The following ROPN1L variants were observed in gnomAD, a reference collection of about 807,000 sequenced individuals.
The protein encoded by ROPN1L is rhophilin associated tail protein 1 like.
In ROPN1L, 23 loss-of-function variants were observed where a neutral mutation model predicts 22.7. The ratio of observed to expected loss-of-function variants is 1.01; its 90% CI spans 0.73 to 1.43. The LOEUF is 1.43. Ranked by LOEUF, ROPN1L falls within the 40% of genes most tolerant of loss-of-function variation. ROPN1L has a pLI of 0.00. For missense variants in ROPN1L, 271 were observed against 291.5 expected (o/e 0.93, Z 0.51); for synonymous variants, 116 against 117.8 (o/e 0.98, Z 0.10).
At chr5:10,465,501 C>G (rs186274353), downstream of ROPN1L, among the ~76,000 whole-genome samples, 2 of 141,870 alleles carry the variant, frequency 1.4e-5, no homozygotes, top group African/African-American at 2.7e-5. Flanking sequence ...GGCGACAGAG[C>G]GAGACTCCGT....
intron 3 of ROPN1L, among the ~76,000 whole-genome samples, chr5:10,460,526 G>A (rs1377809170): frequency 9.2e-6 from 1 of 108,738 alleles, no homozygotes; most frequent in Non-Finnish European, 1.8e-5. Flanking sequence ...CCCGCTGAAA[G>A]CAGAGGGTGG....
chr5:10,471,170 C>T (rs1463927098), intron 4 of ROPN1L, among the ~76,000 whole-genome samples: 1 of 152,176 alleles, frequency 6.6e-6, no homozygotes, highest in Non-Finnish European at 1.5e-5. Flanking sequence ...TGAAGTCTCA[C>T]TCCATTGCCC....
chr5:10,457,417 C>T (rs1443572302), intron 3 of ROPN1L, among the ~76,000 whole-genome samples: 1 of 152,224 alleles, frequency 6.6e-6, no homozygotes, highest in Non-Finnish European at 1.5e-5. Context: ...TTCCCAGAGC[C>T]CGCCTGGCGG....
intron 4 of ROPN1L, among the ~76,000 whole-genome samples, chr5:10,461,858 A>G (rs1208345288): frequency 1.3e-5 from 2 of 152,396 alleles, no homozygotes; most frequent in East Asian, 3.9e-4. Flanking sequence ...GAAGACAGAC[A>G]AAGGGCAAGG....
In ROPN1L at chr5:10,454,576, C is replaced by A. The variant is rs541479409; in HGVS notation, c.417+4463C>A. On this transcript the variant is annotated intron_variant, in intron 3 of 4. Transcript: ENST00000274134. The stretch of plus-strand genomic sequence containing the variant: ...CAAGTCTTTCATCCCCATACTGACA[C>A]TGACAGAGTCAGTCTGTCATGATCA... 5.3e-5 allele frequency among the ~76,000 whole-genome samples: 8 copies of A among 152,142 alleles called. No individual in the cohort carries two copies. In the South Asian group the frequency reaches 1.7e-3, roughly 31 times the overall value.
At chr5:10,458,333 A>G (rs946134797) in intron 3 of ROPN1L, among the ~76,000 whole-genome samples, 3 of 151,734 alleles carry the variant, frequency 2.0e-5, no homozygotes, top group Non-Finnish European at 4.4e-5. Flanking sequence ...TCTTGGTGGT[A>G]TAGCGTGTCC....
At chr5:10,443,620 C>T (rs1235388215) in intron 1 of ROPN1L, among the ~76,000 whole-genome samples, 1 of 150,066 alleles carries the variant, frequency 6.7e-6, no homozygotes, top group Non-Finnish European at 1.5e-5. Context: ...CAGAGCGAGA[C>T]TCCGTCTCAA....
At chr5:10,450,493 T>G (rs1312087404) in intron 3 of ROPN1L, among the ~76,000 whole-genome samples, 1 of 151,890 alleles carries the variant, frequency 6.6e-6, no homozygotes, top group Admixed American at 6.6e-5. Context: ...TCTATTATTA[T>G]TATTTATTTA....
intron 4 of ROPN1L, among the ~76,000 whole-genome samples, chr5:10,471,485 G>A (rs1472051825): frequency 6.6e-6 from 1 of 152,180 alleles, no homozygotes; most frequent in African/African-American, 2.4e-5. Context: ...TGTAGGTGGG[G>A]CGGCCTGTTA....
At chr5:10,469,716 C>A (rs550164667), downstream of ROPN1L, among the ~76,000 whole-genome samples, 1 of 152,288 alleles carries the variant, frequency 6.6e-6, no homozygotes, top group African/African-American at 2.4e-5. Flanking sequence ...TATTTGGTTT[C>A]AAGCTAACTT....
intron 3 of ROPN1L, among the ~76,000 whole-genome samples, chr5:10,459,188 C>A (rs183726793): frequency 6.6e-6 from 1 of 152,066 alleles, no homozygotes; most frequent in Admixed American, 6.5e-5. Flanking sequence ...TGCCCACATG[C>A]AACCACCAGT....
chr5:10,442,113 C>T lies in ROPN1L; in HGVS notation c.-55C>T, dbSNP rs2126419350. On this transcript the variant is annotated 5_prime_UTR_variant, in exon 1 of 5. Transcript: ENST00000274134. Reference sequence around the variant, plus strand: ...CACCGCGTCGTAGCCGACAGCCGCCCTTCTTCCTCGCAGCGCGCCGCGATT... The same window carrying T: ...CACCGCGTCGTAGCCGACAGCCGCCTTTCTTCCTCGCAGCGCGCCGCGATT... The T allele has an allele frequency of 3.2e-6, 5 of 1,579,410 alleles. No homozygotes were observed. In the South Asian group the frequency reaches 4.5e-5, roughly 14 times the overall value.
chr5:10,465,454 G>T (rs559311653), downstream of ROPN1L, among the ~76,000 whole-genome samples: 7 of 151,828 alleles, frequency 4.6e-5, no homozygotes, highest in African/African-American at 9.7e-5. Context: ...GGCAGAGCTT[G>T]CAGTGAGCCG....
At chr5:10,456,904 C>T (rs921204869) in intron 3 of ROPN1L, among the ~76,000 whole-genome samples, 3 of 152,230 alleles carry the variant, frequency 2.0e-5, no homozygotes, top group Non-Finnish European at 4.4e-5. Flanking sequence ...GCTCCATCCA[C>T]GCCAACTCCT....
At chr5:10,450,216 GT>G in intron 3 of ROPN1L, 103 bp downstream of exon 3, 1 of 942,448 alleles carries the variant, frequency 1.1e-6, no homozygotes, top group South Asian at 2.0e-5. Context: ...TAGTAACTTT[GT>G]CTTAGAAAAG....
intron 3 of ROPN1L, among the ~76,000 whole-genome samples, chr5:10,456,968 G>A (rs1352858940): frequency 2.0e-5 from 3 of 152,158 alleles, no homozygotes; most frequent in South Asian, 2.1e-4. Flanking sequence ...CGGTGGTGAC[G>A]GACTTCCATT....
At chr5:10,474,455 GT>G (rs1735292830), downstream of ROPN1L, among the ~76,000 whole-genome samples, 1 of 152,234 alleles carries the variant, frequency 6.6e-6, no homozygotes, top group Non-Finnish European at 1.5e-5. Context: ...AGGGCACCAG[GT>G]GCTGAGGACA....
chr5:10,449,930 T>G (rs780830538), intron 2 of ROPN1L, 22 bp from the exon 3 acceptor site: 1 of 1,594,786 alleles, frequency 6.3e-7, no homozygotes, highest in Non-Finnish European at 8.5e-7. Context: ...ACATAAATTG[T>G]CATGCTGTGT....
intron 1 of ROPN1L, among the ~76,000 whole-genome samples, chr5:10,446,761 C>T (rs1319243550): frequency 1.3e-5 from 2 of 151,922 alleles, no homozygotes; most frequent in Admixed American, 1.3e-4. Context: ...CCACTGAGAA[C>T]TCTGCCTCCA....
Sources: allele counts gnomAD v4.1 joint callset (sites outside exome capture counted in the v4.1 genomes callset), GRCh38; gene constraint gnomAD v4.1.1; transcripts MANE v1.5; gene names NCBI Gene and HGNC (gene_info 2026-07-23, HGNC 2026-07-21).